GPC6: variants seen among roughly 807,000 people sequenced by gnomAD.
GPC6 encodes the protein glypican 6.
A neutral mutation model predicts 55.2 loss-of-function variants in GPC6; 14 were observed. The ratio of observed to expected loss-of-function variants is 0.25; its 90% confidence interval spans 0.17 to 0.40. The LOEUF (loss-of-function observed/expected upper bound fraction) is 0.40, where lower values mean the gene tolerates loss of function less well. Among genes scored for constraint, GPC6 ranks in the 10% least tolerant of loss-of-function variants. GPC6 has a pLI of 1.00. For synonymous variants in GPC6, 278 were observed against 259.6 expected, an observed-to-expected ratio of 1.07 and a Z score of -0.68; for missense variants, 641 against 708.5, an observed-to-expected ratio of 0.90 and a Z score of 1.08.
chr13:94,398,838 C>T (rs1881006726), intron 8 of GPC6, among the ~76,000 whole-genome samples, 197 bp downstream of exon 8: 1 of 152,164 alleles, frequency 6.6e-6, no homozygotes, highest in Non-Finnish European at 1.5e-5. Flanking sequence ...TCATAAATTC[C>T]ACAACACAAG....
intron 2 of GPC6, among the ~76,000 whole-genome samples, chr13:93,645,769 G>A (rs1026779526): frequency 8.5e-5 from 13 of 152,112 alleles, no homozygotes; most frequent in African/African-American, 2.9e-4. Flanking sequence ...GTAAATAATG[G>A]TATGTTTTAT....
intron 1 of GPC6, among the ~76,000 whole-genome samples, chr13:93,298,097 A>G (rs1878555485): frequency 6.6e-6 from 1 of 152,234 alleles, no homozygotes; most frequent in Non-Finnish European, 1.5e-5. Context: ...AGGCAGTGCC[A>G]GACCAAAAAT....
At chr13:94,244,464 G>T (rs1432969533) in intron 4 of GPC6, among the ~76,000 whole-genome samples, 1 of 151,622 alleles carries the variant, frequency 6.6e-6, no homozygotes, top group East Asian at 2.0e-4. Flanking sequence ...TTACACAATA[G>T]ATCTATAACT....
intron 6 of GPC6, among the ~76,000 whole-genome samples, chr13:94,344,114 G>A (rs1878172310): frequency 1.3e-5 from 2 of 152,052 alleles, no homozygotes; most frequent in African/African-American, 2.4e-5. Context: ...GTTTATTGAC[G>A]GTGTTCTCAC....
intron 6 of GPC6, among the ~76,000 whole-genome samples, chr13:94,358,928 T>C (rs1318907565): frequency 6.6e-6 from 1 of 152,252 alleles, no homozygotes; most frequent in Non-Finnish European, 1.5e-5. Flanking sequence ...AAGAGATTTC[T>C]AAGTGTCTCT....
intron 3 of GPC6, among the ~76,000 whole-genome samples, chr13:93,930,163 C>T (rs1878085208): frequency 6.6e-6 from 1 of 151,944 alleles, no homozygotes; most frequent in Non-Finnish European, 1.5e-5. Context: ...TTTTTAAAAG[C>T]TGCTGGGATC....
intron 1 of GPC6, among the ~76,000 whole-genome samples, chr13:93,424,641 AT>A (rs1458533295): frequency 6.6e-6 from 1 of 151,968 alleles, no homozygotes; most frequent in South Asian, 2.1e-4. Flanking sequence ...CATCATCATC[AT>A]TTTTAAGTTT....
chr13:94,298,369 G>T (rs981962069), intron 5 of GPC6, among the ~76,000 whole-genome samples: 1 of 152,162 alleles, frequency 6.6e-6, no homozygotes, highest in African/African-American at 2.4e-5. Context: ...TTTGAGAAAG[G>T]CCCTAGCTCT....
At chr13:93,618,791 A>T (rs529504060) in intron 2 of GPC6, among the ~76,000 whole-genome samples, 102 of 152,308 alleles carry the variant, frequency 6.7e-4, no homozygotes, top group Admixed American at 9.8e-4. Context: ...AAGGATTTAT[A>T]TGTTTCAGTA....
At chr13:94,059,067 C>T (rs1884232525) in intron 4 of GPC6, among the ~76,000 whole-genome samples, 1 of 151,874 alleles carries the variant, frequency 6.6e-6, no homozygotes, top group Admixed American at 6.6e-5. Context: ...AAGAGCTTTA[C>T]ATTTTATTTA....
chr13:93,757,173 A>G (rs1884800666), intron 2 of GPC6, among the ~76,000 whole-genome samples: 1 of 152,122 alleles, frequency 6.6e-6, no homozygotes, highest in Non-Finnish European at 1.5e-5. Flanking sequence ...TTTTGTTCCT[A>G]AGTCTCCCTA....
At chr13:94,138,853 T>C (rs1398651552) in intron 4 of GPC6, among the ~76,000 whole-genome samples, 3 of 152,068 alleles carry the variant, frequency 2.0e-5, no homozygotes, top group Non-Finnish European at 1.5e-5. Flanking sequence ...TGTCTGTCAT[T>C]AGGGGCTGCA....
chr13:93,955,923 T>G (rs1326456657), intron 3 of GPC6, among the ~76,000 whole-genome samples: 1 of 152,176 alleles, frequency 6.6e-6, no homozygotes, highest in Admixed American at 6.5e-5. Flanking sequence ...CTTTTTTCCC[T>G]TGTGTGTGTC....
chr13:94,044,532 G>A (rs927279116), intron 4 of GPC6, among the ~76,000 whole-genome samples: 1 of 151,856 alleles, frequency 6.6e-6, no homozygotes, highest in Admixed American at 6.6e-5. Context: ...ATGCACCATG[G>A]TTAATTAGTA....
chr13:93,228,759 C>A (rs1406739980), intron 1 of GPC6, among the ~76,000 whole-genome samples: 3 of 152,198 alleles, frequency 2.0e-5, no homozygotes, highest in Non-Finnish European at 4.4e-5. Flanking sequence ...CAAGTCAAAA[C>A]GCTGAATTTC....
intron 4 of GPC6, among the ~76,000 whole-genome samples, chr13:94,268,344 T>A (rs1320867872): frequency 6.6e-6 from 1 of 152,204 alleles, no homozygotes; most frequent in African/African-American, 2.4e-5. Context: ...CTAGAACACA[T>A]CAGCATGCTT....
At chr13:94,172,824 T>G (rs1000152433) in intron 4 of GPC6, among the ~76,000 whole-genome samples, 2 of 152,204 alleles carry the variant, frequency 1.3e-5, no homozygotes, top group Non-Finnish European at 2.9e-5. Flanking sequence ...AATCAAGGCA[T>G]GAGAGACAGT....
chr13:94,018,736 C>T, intron 3 of GPC6, among the ~76,000 whole-genome samples: 1 of 152,200 alleles, frequency 6.6e-6, no homozygotes, highest in East Asian at 1.9e-4. Context: ...AACGGGTTCA[C>T]ACAGCAGGAC....
At chr13:94,397,584 C>T (rs1274302066) in intron 7 of GPC6, among the ~76,000 whole-genome samples, 2 of 152,064 alleles carry the variant, frequency 1.3e-5, no homozygotes, top group Non-Finnish European at 1.5e-5. Context: ...TGAAATGTCC[C>T]CAAAGCAGGT....
Sources: gnomAD v4.1 joint callset for allele counts (sites outside exome capture counted in the v4.1 genomes callset) on GRCh38, gnomAD v4.1.1 for gene constraint, MANE v1.5 for transcripts, NCBI Gene and HGNC (gene_info 2026-07-23, HGNC 2026-07-21) for gene names.